MYO9A: variants seen among roughly 807,000 people sequenced by gnomAD.
MYO9A encodes the protein unconventional myosin-IXa.
A neutral mutation model predicts 293.3 loss-of-function variants in MYO9A; 103 were observed. That is an observed-to-expected ratio of 0.35 (90% CI 0.30 to 0.41). MYO9A has a LOEUF of 0.41. MYO9A is among the 10% of genes least tolerant of loss of function. MYO9A has a pLI of 1.00. For synonymous variants in MYO9A, 1,001 were observed against 1,035.7 expected (o/e 0.97, Z 0.64); for missense variants, 2,685 against 3,033.0 (o/e 0.89, Z 2.69).
At chr15:71,938,335 G>GTA (rs2058689870) in intron 16 of MYO9A, among the ~76,000 whole-genome samples, 1 of 51,898 alleles carries the variant, frequency 1.9e-5, no homozygotes, top group Admixed American at 3.0e-4. Context: ...TTATTAAATA[G>GTA]TATATATAAA....
intron 1 of MYO9A, among the ~76,000 whole-genome samples, chr15:72,107,851 C>A (rs954818951): frequency 6.7e-6 from 1 of 148,882 alleles, no homozygotes; most frequent in African/African-American, 2.5e-5. Flanking sequence ...GTCATGAGAC[C>A]ATTAAAAACC....
chr15:71,944,771 T>G (rs974345399), intron 15 of MYO9A, among the ~76,000 whole-genome samples: 36 of 152,286 alleles, frequency 2.4e-4, no homozygotes, highest in African/African-American at 8.7e-4. Flanking sequence ...ATAATGTAAA[T>G]TATCCAGCTT....
intron 1 of MYO9A, among the ~76,000 whole-genome samples, chr15:72,101,095 C>T (rs1293950758): frequency 6.3e-5 from 9 of 143,546 alleles, no homozygotes; most frequent in Admixed American, 2.7e-4. Flanking sequence ...CCAGGCCAGC[C>T]GCCCCGTCCG....
intron 11 of MYO9A, among the ~76,000 whole-genome samples, chr15:71,981,036 T>C (rs1210203443): frequency 6.6e-6 from 1 of 152,218 alleles, no homozygotes; most frequent in Non-Finnish European, 1.5e-5. Context: ...ATCAACTGCT[T>C]TTTATATATC....
chr15:72,073,085 C>T (rs1245095400), intron 1 of MYO9A, among the ~76,000 whole-genome samples: 1 of 152,160 alleles, frequency 6.6e-6, no homozygotes, highest in African/African-American at 2.4e-5. Context: ...CTTACTGAAT[C>T]ATCCTCTAAT....
upstream of MYO9A, chr15:72,118,293 TTTC>T (rs2081083574): frequency 1.5e-5 from 4 of 266,884 alleles, no homozygotes; most frequent in Admixed American, 1.1e-4. Context: ...GCCCAAATTT[TTTC>T]TTCTTCACCT....
chr15:72,103,703 A>C (rs532636035), intron 1 of MYO9A, among the ~76,000 whole-genome samples: 1 of 152,242 alleles, frequency 6.6e-6, no homozygotes, highest in Non-Finnish European at 1.5e-5. Flanking sequence ...ATACTGAACT[A>C]ATTTTTTAGA....
intron 2 of MYO9A, among the ~76,000 whole-genome samples, chr15:72,033,463 C>T (rs943080312): frequency 1.3e-5 from 2 of 152,022 alleles, no homozygotes; most frequent in Admixed American, 1.3e-4. Context: ...AAAGTATGTA[C>T]CTTACAATGG....
intron 28 of MYO9A, among the ~76,000 whole-genome samples, chr15:71,881,234 A>G (rs1336367511): frequency 6.6e-6 from 1 of 152,044 alleles, no homozygotes; most frequent in African/African-American, 2.4e-5. Context: ...ATTAGATTCT[A>G]TGTAGCCCAT....
At chr15:71,999,769 C>T in intron 9 of MYO9A, 82 bp downstream of exon 9, 2 of 1,013,556 alleles carry the variant, frequency 2.0e-6, no homozygotes, top group Non-Finnish European at 2.9e-6. Context: ...CATTTTCATG[C>T]TGTTAAGAGA....
intron 3 of MYO9A, among the ~76,000 whole-genome samples, chr15:72,031,736 TA>T (rs1025112912): frequency 5.0e-4 from 70 of 141,126 alleles, no homozygotes; most frequent in Admixed American, 6.4e-4. Flanking sequence ...ATAGTCTATT[TA>T]AAAAAAAAAA....
At chr15:72,092,533 C>T (rs1040932287) in intron 1 of MYO9A, among the ~76,000 whole-genome samples, 1 of 152,104 alleles carries the variant, frequency 6.6e-6, no homozygotes, top group Non-Finnish European at 1.5e-5. Context: ...GCTATGACTT[C>T]ACCACTGCAC....
chr15:71,870,435 G>C (rs1387007174), intron 32 of MYO9A, among the ~76,000 whole-genome samples: 1 of 152,056 alleles, frequency 6.6e-6, no homozygotes. Flanking sequence ...ACTTTTTAGA[G>C]TCATGTGTAT....
At position 71,830,211 on chromosome 15, in the gene MYO9A, C is replaced by A. The variant is rs1353867488; in HGVS notation, c.6938G>T (p.Ser2313Ile). ...GATGTCAGTCTCCATGGCTGCCTCA[C>A]TAGTCAAGGTCTCCTCTGAGACATC... ...VSDVSEETLT[S>I]EAAMETDITE... The change falls in exon 40 of 42, where the codon AGT becomes ATT. Residue 2313 changes from serine to isoleucine, a missense_variant. By Grantham distance (142) the Ser-to-Ile change is moderately radical. Coordinates refer to ENST00000356056, the MANE Select transcript of MYO9A (RefSeq NM_006901.4). The A allele has an allele frequency of 6.2e-7, 1 of 1,614,010 alleles. No individual in the cohort carries two copies. The highest frequency in any genetic ancestry group is 2.2e-5 in the East Asian group (1 of 44,888).
At chr15:71,845,351 A>T (rs1278935300) in intron 39 of MYO9A, among the ~76,000 whole-genome samples, 13 of 147,772 alleles carry the variant, frequency 8.8e-5, no homozygotes, top group African/African-American at 3.5e-4. Context: ...TATGAAAAGG[A>T]ATTATTCTCA....
intron 10 of MYO9A, among the ~76,000 whole-genome samples, chr15:71,992,504 G>A (rs1026157681): frequency 1.3e-5 from 2 of 151,770 alleles, no homozygotes; most frequent in Admixed American, 1.3e-4. Context: ...GCTAAGTCTA[G>A]GCCCTTAAAA....
At chr15:72,020,862 C>G in intron 5 of MYO9A, 56 bp downstream of exon 5, 1 of 1,093,450 alleles carries the variant, frequency 9.1e-7, no homozygotes, top group Non-Finnish European at 1.3e-6. Context: ...AGACATTTTT[C>G]AAGCATTAAA....
chr15:72,052,420 G>A (rs1279435874), intron 1 of MYO9A, among the ~76,000 whole-genome samples: 2 of 152,190 alleles, frequency 1.3e-5, no homozygotes, highest in Non-Finnish European at 1.5e-5. Flanking sequence ...CGTGTACCTC[G>A]TTCTTCCTGG....
At position 71,897,934 on chromosome 15, in the gene MYO9A, T is replaced by C. The variant is rs918628676; in HGVS notation, c.4569A>G (p.Leu1523=). The C allele has an allele frequency of 3.1e-6, 5 of 1,614,094 alleles. No individual in the cohort carries two copies. The African/African-American group carries it at 5.3e-5, about 17-fold the overall frequency. Residue 1523 remains leucine (L), a synonymous_variant, in exon 25 of 42, where the codon TTA becomes TTG. Coordinates refer to ENST00000356056, the MANE Select transcript of MYO9A (RefSeq NM_006901.4). ...TCTTGAAGGCTTTGCGCTCCTTCTC[T>C]AAAATATCTGTTTGCTGGCGAATCT... ...MEQIRQQTDI[L]EKERKAFKTI...
Sources: gnomAD v4.1 joint callset for allele counts (sites outside exome capture counted in the v4.1 genomes callset) on GRCh38, gnomAD v4.1.1 for gene constraint, MANE v1.5 for transcripts, NCBI Gene and HGNC (gene_info 2026-07-23, HGNC 2026-07-21) for gene names.